The following PRORP variants were observed in gnomAD, a reference collection of about 807,000 sequenced individuals.
PRORP encodes the protein protein only RNase P catalytic subunit, also known as mitochondrial ribonuclease P catalytic subunit.
A neutral mutation model predicts 59.4 loss-of-function variants in PRORP; 51 were observed. That is an observed-to-expected ratio of 0.86 (90% CI 0.69 to 1.08). The LOEUF is 1.08. PRORP is among the 50% of genes least tolerant of loss of function. PRORP has a pLI of 0.00. For missense variants in PRORP, 646 were observed against 690.3 expected, an observed-to-expected ratio of 0.94 and a Z score of 0.72; for synonymous variants, 231 against 245.6, an observed-to-expected ratio of 0.94 and a Z score of 0.55.
At chr14:35,260,744 A>G (rs1324617957) in intron 5 of PRORP, among the ~76,000 whole-genome samples, 1 of 152,212 alleles carries the variant, frequency 6.6e-6, no homozygotes, top group Non-Finnish European at 1.5e-5. Context: ...TCGCACCACC[A>G]TAAGTTTGTT....
intron 4 of PRORP, among the ~76,000 whole-genome samples, chr14:35,143,363 T>C (rs1350510958): frequency 1.4e-5 from 2 of 145,080 alleles, no homozygotes; most frequent in Non-Finnish European, 3.1e-5. Context: ...GGTTTCACCA[T>C]GTTGGCCAGG....
intron 5 of PRORP, among the ~76,000 whole-genome samples, chr14:35,257,097 A>C (rs1594348217): frequency 1.3e-5 from 2 of 149,048 alleles, no homozygotes; most frequent in Admixed American, 6.7e-5. Flanking sequence ...CTGGTCTCAA[A>C]CTCCTGACCT....
chr14:35,277,461 C>A lies in PRORP; in HGVS notation c.*3895C>A, dbSNP rs1267610987. The A allele has an allele frequency of 6.6e-6, 1 of 152,188 alleles. No individual in the cohort carries two copies. The highest frequency in any genetic ancestry group is 2.4e-5 in the African/African-American group (1 of 41,440). 9.4% of individuals were successfully genotyped at this position (152,188 alleles called of 1,614,324 possible). A position where few individuals can be genotyped will look rare whatever the true frequency, so the allele number is the denominator to read the frequency against. On this transcript the variant is annotated 3_prime_UTR_variant, in exon 8 of 8. Transcript: ENST00000534898. Reference sequence around the variant, plus strand: ...TAGGACCAGCTTTTACCTGCCCAGTCCTGGCCAGTGACAAGCAGTCTGCTT... The same window carrying A: ...TAGGACCAGCTTTTACCTGCCCAGTACTGGCCAGTGACAAGCAGTCTGCTT...
chr14:35,217,950 A>G (rs2049648045), intron 5 of PRORP, among the ~76,000 whole-genome samples: 1 of 152,192 alleles, frequency 6.6e-6, no homozygotes, highest in Non-Finnish European at 1.5e-5. Flanking sequence ...TGTGAATTTT[A>G]GAATCAGTTT....
intron 5 of PRORP, among the ~76,000 whole-genome samples, chr14:35,248,609 A>G (rs76982555): frequency 0.094 from 14,256 of 152,318 alleles, 701 homozygotes; most frequent in African/African-American, 0.12. Context: ...GGCAGCACCA[A>G]TGGAGCAGGC....
rs1595190397 is a variant in PRORP, at chr14:35,149,171, G to A, written c.1167+21560G>A. On this transcript the variant is annotated intron_variant, in intron 4 of 7. Coordinates refer to ENST00000534898, the MANE Select transcript of PRORP (RefSeq NM_014672.4). Reference sequence around the variant, plus strand: ...CCTGACCTCGTGATCCGCCCGCCTCGGCCTCCCAAAGTGCTGGGATTACAA... The same window carrying A: ...CCTGACCTCGTGATCCGCCCGCCTCAGCCTCCCAAAGTGCTGGGATTACAA... 2.7e-5 allele frequency among the ~76,000 whole-genome samples: 4 copies of A among 150,808 alleles called. No individual in the cohort carries two copies. In the Middle Eastern group the frequency reaches 0.01, roughly 385 times the overall value.
chr14:35,183,010 A>T (rs2048653565), intron 5 of PRORP, among the ~76,000 whole-genome samples: 1 of 152,190 alleles, frequency 6.6e-6, no homozygotes, highest in South Asian at 2.1e-4. Flanking sequence ...TTAAATATTA[A>T]TTTTTGTGAA....
chr14:35,215,501 A>C (rs1302183074), intron 5 of PRORP, among the ~76,000 whole-genome samples: 4 of 152,200 alleles, frequency 2.6e-5, no homozygotes, highest in African/African-American at 9.6e-5. Context: ...CAGTTTTGTC[A>C]GATGTGGTGG....
intron 4 of PRORP, among the ~76,000 whole-genome samples, chr14:35,161,216 AG>A (rs1379338772): frequency 2.0e-5 from 3 of 152,228 alleles, no homozygotes; most frequent in Non-Finnish European, 2.9e-5. Flanking sequence ...AAGCACATAC[AG>A]GGGCTTTTAT....
At chr14:35,257,300 T>G (rs575437807) in intron 5 of PRORP, among the ~76,000 whole-genome samples, 1 of 152,328 alleles carries the variant, frequency 6.6e-6, no homozygotes, top group Non-Finnish European at 1.5e-5. Context: ...ACCATTCATC[T>G]CCAGACTTTT....
chr14:35,155,817 G>A (rs545296164), intron 4 of PRORP, among the ~76,000 whole-genome samples: 1 of 151,884 alleles, frequency 6.6e-6, no homozygotes, highest in Non-Finnish European at 1.5e-5. Context: ...CCTTCTTAAA[G>A]CAAATTATAC....
chr14:35,230,040 A>G (rs957368352), intron 5 of PRORP, among the ~76,000 whole-genome samples: 9 of 143,222 alleles, frequency 6.3e-5, no homozygotes, highest in Admixed American at 1.4e-4. Flanking sequence ...AGATGTCATT[A>G]CTGTAAATTC....
At chr14:35,152,877 G>T (rs918140110) in intron 4 of PRORP, among the ~76,000 whole-genome samples, 43 of 151,718 alleles carry the variant, frequency 2.8e-4, no homozygotes, top group Middle Eastern at 6.9e-3. Flanking sequence ...CGGGATGGCG[G>T]CTGGGAAGAG....
intron 5 of PRORP, among the ~76,000 whole-genome samples, chr14:35,264,004 G>A (rs369674522): frequency 4.0e-5 from 6 of 151,846 alleles, no homozygotes; most frequent in Non-Finnish European, 7.4e-5. Context: ...GCAGTGGTAC[G>A]ATTGTAGCTC....
intron 5 of PRORP, among the ~76,000 whole-genome samples, chr14:35,190,844 C>T (rs1298377701): frequency 6.6e-6 from 1 of 152,186 alleles, no homozygotes; most frequent in African/African-American, 2.4e-5. Flanking sequence ...TTACATACTA[C>T]TTGAGTCAAC....
chr14:35,153,710 G>T (rs2047839280), intron 4 of PRORP, among the ~76,000 whole-genome samples: 1 of 152,170 alleles, frequency 6.6e-6, no homozygotes, highest in Non-Finnish European at 1.5e-5. Context: ...GACTTTAAAA[G>T]ATTAAAACGA....
chr14:35,131,917 G>A (rs1489436075), intron 4 of PRORP, among the ~76,000 whole-genome samples: 1 of 151,616 alleles, frequency 6.6e-6, no homozygotes, highest in Non-Finnish European at 1.5e-5. Flanking sequence ...TTGGCTCACT[G>A]CAACCTCCGC....
intron 4 of PRORP, among the ~76,000 whole-genome samples, chr14:35,160,160 AC>A (rs1443554718): frequency 6.6e-6 from 1 of 152,210 alleles, no homozygotes; most frequent in African/African-American, 2.4e-5. Context: ...AGGGAAAACC[AC>A]TGATGAGATG....
chr14:35,238,161 A>G (rs2050268390), intron 5 of PRORP, among the ~76,000 whole-genome samples: 1 of 152,110 alleles, frequency 6.6e-6, no homozygotes. Flanking sequence ...TTTACAAATG[A>G]GAAAACTGAG....
Sources: allele counts gnomAD v4.1 joint callset (sites outside exome capture counted in the v4.1 genomes callset), GRCh38; gene constraint gnomAD v4.1.1; transcripts MANE v1.5; gene names NCBI Gene and HGNC (gene_info 2026-07-23, HGNC 2026-07-21).